The following FIBCD1 variants were observed in gnomAD, a reference collection of about 807,000 sequenced individuals.
The protein encoded by FIBCD1 is fibrinogen C domain containing 1, also known as fibrinogen C domain-containing protein 1.
Under a neutral mutation model 45.1 loss-of-function variants are expected in FIBCD1, and 47 were observed. The ratio of observed to expected loss-of-function variants is 1.04; its 90% CI spans 0.82 to 1.33. FIBCD1 has a LOEUF of 1.33. Among genes scored for constraint, FIBCD1 ranks in the 40% most tolerant of loss-of-function variants. The pLI, the probability that FIBCD1 is intolerant of heterozygous loss-of-function variation, is 0.00. For missense variants in FIBCD1, 653 were observed against 682.2 expected, an observed-to-expected ratio of 0.96 and a Z score of 0.48; for synonymous variants, 313 against 308.1, an observed-to-expected ratio of 1.02 and a Z score of -0.17.
At chr9:130,911,727 C>A in intron 5 of FIBCD1, 65 bp downstream of exon 5, 1 of 1,449,094 alleles carries the variant, frequency 6.9e-7, no homozygotes, top group Non-Finnish European at 9.5e-7. Context: ...CAGCTGGGAC[C>A]CAACTGTGTC....
Position 130,903,226 on chromosome 9 carries a change from G to C in FIBCD1, c.*838C>G, listed in dbSNP as rs1382750597. 2 of 152,688 alleles carry C rather than the reference G, an allele frequency of 1.3e-5. No individual in the cohort carries two copies. The highest frequency in any genetic ancestry group is 4.8e-5 in the African/African-American group (2 of 41,428). The allele number at this position is 152,688 out of a possible 1,614,324, so 9.5% of individuals were successfully genotyped here. A position where few individuals can be genotyped will look rare whatever the true frequency, so the allele number is the denominator to read the frequency against. ...TCCCATTAGCGCAGTCCAGCCCCACGGTGCAGGGCCCCACCCACCTTCCAG... is the reference window on the plus strand; with the variant it reads ...TCCCATTAGCGCAGTCCAGCCCCACCGTGCAGGGCCCCACCCACCTTCCAG... On this transcript the variant is annotated 3_prime_UTR_variant, in exon 7 of 7. Transcript: ENST00000372338.
chr9:130,938,463 G>T, intron 1 of FIBCD1, 73 bp downstream of exon 1: 1 of 1,315,082 alleles, frequency 7.6e-7, no homozygotes, highest in South Asian at 1.6e-5. Flanking sequence ...CGCAATGGGT[G>T]CTCGCCCCGC....
chr9:130,924,438 T>C lies in FIBCD1; in HGVS notation c.553-42A>G, dbSNP rs549728418. The C allele has an allele frequency of 1.9e-4, 291 of 1,555,132 alleles. 1 individual carries two copies. In the East Asian group the frequency reaches 6.5e-3, roughly 35 times the overall value. ...GTGAGCCGAGGGGGCAGGGGCTCTG[T>C]TGGGGGTGGGGTGGCGCACATAGCA... On this transcript the variant is annotated intron_variant, in intron 2 of 6. Transcript: ENST00000372338.
chr9:130,912,483 G>C (rs1043669663), intron 4 of FIBCD1, among the ~76,000 whole-genome samples: 21 of 151,660 alleles, frequency 1.4e-4, no homozygotes, highest in Admixed American at 1.2e-3. Context: ...GAGGTGGGTG[G>C]ATCACCTGAG....
intron 1 of FIBCD1, chr9:130,936,344 G>T (rs572245498): frequency 1.0e-4 from 16 of 152,422 alleles, no homozygotes; most frequent in African/African-American, 3.4e-4. Flanking sequence ...AGTGGCCACA[G>T]GAAAGGCCTT....
chr9:130,915,847 G>A (rs1186543823), intron 4 of FIBCD1, among the ~76,000 whole-genome samples: 1 of 152,242 alleles, frequency 6.6e-6, no homozygotes, highest in Non-Finnish European at 1.5e-5. Context: ...GACTGACCAT[G>A]TCCCAGAGAG....
At chr9:130,939,504 C>T (rs921346426), upstream of FIBCD1, among the ~76,000 whole-genome samples, 1 of 151,970 alleles carries the variant, frequency 6.6e-6, no homozygotes, top group Non-Finnish European at 1.5e-5. Context: ...CGTCCCAGTC[C>T]GCGTCCGCAG....
chr9:130,924,514 T>C, intron 2 of FIBCD1, 118 bp from the exon 3 acceptor site: 1 of 997,870 alleles, frequency 1.0e-6, no homozygotes, highest in Non-Finnish European at 1.4e-6. Flanking sequence ...GGCTTCTGGC[T>C]CAAGGCCCCG....
In FIBCD1 at chr9:130,938,556, G is replaced by C. The variant is rs1418277444; in HGVS notation, c.52C>G (p.Arg18Gly). ...CGTACCTGCGGCTTGTCGCGCGGCC[G>C]GTCCTCAAGTTGGGCAGCGCCGCCC... ...TMGGAAQLEDRPRDKPQRPSC... is the reference protein window; with the variant it reads ...TMGGAAQLEDGPRDKPQRPSC... Residue 18 changes from arginine to glycine, a missense_variant, in exon 1 of 7, where the codon CGG (arginine) becomes GGG (glycine). By Grantham distance (125) the Arg-to-Gly change is moderately radical. Transcript: ENST00000372338. 6.7e-7 allele frequency: 1 copy of C among 1,490,238 alleles called. No individual in the cohort carries two copies. Among genetic ancestry groups the C allele is most frequent in the Admixed American group, 2.2e-5 (1 of 45,014 alleles). The allele number at this position is 1,490,238 out of a possible 1,614,324, so 92.3% of individuals were successfully genotyped here. A position where few individuals can be genotyped will look rare whatever the true frequency, so the allele number is the denominator to read the frequency against.
intron 1 of FIBCD1, chr9:130,930,831 T>G (rs1485771079): frequency 2.2e-6 from 1 of 455,948 alleles, no homozygotes; most frequent in Non-Finnish European, 4.4e-6. Context: ...CACCCACCTC[T>G]CTATACACTG....
In FIBCD1 at chr9:130,918,397, G is replaced by A. The variant is rs372097072; in HGVS notation, c.849+5347C>T. On this transcript the variant is annotated intron_variant, in intron 4 of 6. Transcript: ENST00000372338. ...GGGGGTGGGTGGGTCCAAACCCTATGAGACTGGGAGAGAGGGTCTCCGATG... is the reference window on the plus strand; with the variant it reads ...GGGGGTGGGTGGGTCCAAACCCTATAAGACTGGGAGAGAGGGTCTCCGATG... Among the ~76,000 whole-genome samples the A allele has an allele frequency of 7.6e-3, 1,162 of 152,320 alleles. 3 individuals carry two copies. Among genetic ancestry groups the A allele is most frequent in the Non-Finnish European group, 0.012 (840 of 68,030 alleles).
chr9:130,931,169 G>A (rs1286579260), intron 1 of FIBCD1, among the ~76,000 whole-genome samples: 4 of 152,166 alleles, frequency 2.6e-5, no homozygotes, highest in African/African-American at 9.7e-5. Flanking sequence ...AGGAGGAGGG[G>A]GGCTGAGGCA....
rs369738827 is a variant in FIBCD1, at chr9:130,904,015, G to A, written c.*49C>T. 2.9e-5 allele frequency: 46 copies of A among 1,595,574 alleles called. No individual in the cohort carries two copies. The Middle Eastern group carries it at 5.0e-4, about 17-fold the overall frequency. ...ATTCACGAAAGAGTGAGGTGGGGTC[G>A]GGGATGGGGCGACAGGGACCAGCAG... On this transcript the variant is annotated 3_prime_UTR_variant, in exon 7 of 7. Transcript: ENST00000372338.
At chr9:130,906,872 G>A (rs3915668) in intron 5 of FIBCD1, among the ~76,000 whole-genome samples, 151,830 of 152,344 alleles carry the variant, frequency 1, 75,659 homozygotes, top group East Asian at 1. Context: ...GGGCTGGCCC[G>A]CTGCACACAT....
chr9:130,931,202 CA>C (rs1832444059), intron 1 of FIBCD1, among the ~76,000 whole-genome samples: 1 of 152,134 alleles, frequency 6.6e-6, no homozygotes, highest in Non-Finnish European at 1.5e-5. Context: ...CACTCCAGAA[CA>C]AGCCATATCT....
intron 4 of FIBCD1, among the ~76,000 whole-genome samples, chr9:130,913,275 GCTTTATTCTCC>G (rs1832097526): frequency 1.8e-5 from 2 of 110,102 alleles, no homozygotes. Context: ...TATTCTCCCT[GCTTTATTCTCC>G]GAGGCAGCGC....
chr9:130,905,936 G>T (rs1237375489), intron 5 of FIBCD1, among the ~76,000 whole-genome samples: 2 of 152,166 alleles, frequency 1.3e-5, no homozygotes, highest in Non-Finnish European at 1.5e-5. Context: ...GCCCCTGTGG[G>T]TATTTATCTT....
chr9:130,919,467 G>T (rs1832221038), intron 4 of FIBCD1, among the ~76,000 whole-genome samples: 1 of 152,194 alleles, frequency 6.6e-6, no homozygotes, highest in African/African-American at 2.4e-5. Context: ...GGACCCCGAG[G>T]TCCTGCTGCT....
chr9:130,924,012 C>T lies in FIBCD1; in HGVS notation c.713-132G>A, dbSNP rs1007629206. On this transcript the variant is annotated intron_variant, in intron 3 of 6. Coordinates refer to ENST00000372338, the MANE Select transcript of FIBCD1 (RefSeq NM_032843.5). ...TTGAGAGAGCACTGGCCTTGGAGTC[C>T]GACCTTGGCTCTGCCACTCCCTGCT... The T allele has an allele frequency of 9.2e-6, 13 of 1,419,614 alleles. No individual in the cohort carries two copies. The African/African-American group carries it at 9.9e-5, about 11-fold the overall frequency. The allele number at this position is 1,419,614 out of a possible 1,614,324, so 87.9% of individuals were successfully genotyped here. A position where few individuals can be genotyped will look rare whatever the true frequency, so the allele number is the denominator to read the frequency against.
Sources: allele counts gnomAD v4.1 joint callset (sites outside exome capture counted in the v4.1 genomes callset), GRCh38; gene constraint gnomAD v4.1.1; transcripts MANE v1.5; gene names NCBI Gene and HGNC (gene_info 2026-07-23, HGNC 2026-07-21).